Variants in RTCB observed in about 807,000 individuals in gnomAD.
The protein encoded by RTCB is RNA 2',3'-cyclic phosphate and 5'-OH ligase.
RTCB carries 32 observed loss-of-function variants against 58.2 expected under a neutral mutation model. That is an observed-to-expected ratio of 0.55 (90% CI 0.41 to 0.74). The LOEUF (loss-of-function observed/expected upper bound fraction) is 0.74, where lower values mean the gene tolerates loss of function less well. Ranked by LOEUF, RTCB falls within the 30% of genes least tolerant of loss-of-function variation. The probability of loss-of-function intolerance (pLI) is 0.00; values close to 1 mark genes in which losing one functional copy is unlikely to be tolerated. For missense variants in RTCB, 523 were observed against 639.0 expected (o/e 0.82, Z 1.96); for synonymous variants, 247 against 218.6 (o/e 1.13, Z -1.15).
In RTCB at chr22:32,399,579, T is replaced by C. The variant is rs374665426; in HGVS notation, c.654+24A>G. 309 of 1,578,034 alleles carry C rather than the reference T, an allele frequency of 2.0e-4. 2 individuals carry two copies. The Admixed American group carries it at 2.1e-3, about 11-fold the overall frequency. Reference sequence around the variant, plus strand: ...ACAAAATATGAAAAAAAAATTAACATGTTGCCCCTCCAAAGTGAGTTACCT... The same window carrying C: ...ACAAAATATGAAAAAAAAATTAACACGTTGCCCCTCCAAAGTGAGTTACCT... On this transcript the variant is annotated intron_variant, in intron 6 of 11. Coordinates refer to ENST00000216038, the MANE Select transcript of RTCB (RefSeq NM_014306.5).
chr22:32,388,112 A>T lies in RTCB; in HGVS notation c.1411-13T>A, dbSNP rs1337436618. ...AGGACTCAGGAGCCTGCAGGAGAGG[A>T]ATTTAAACATTGTACAAGTCCACTG... On this transcript the variant is annotated splice_polypyrimidine_tract_variant and intron_variant, in intron 11 of 11. Coordinates refer to ENST00000216038, the MANE Select transcript of RTCB (RefSeq NM_014306.5). The T allele has an allele frequency of 1.3e-6, 2 of 1,531,162 alleles. No homozygotes were observed. Among genetic ancestry groups the T allele is most frequent in the Admixed American group, 1.7e-5 (1 of 59,832 alleles). The allele number at this position is 1,531,162 out of a possible 1,614,324, so 94.8% of individuals were successfully genotyped here.
chr22:32,396,845 A>G (rs8141096), intron 7 of RTCB, among the ~76,000 whole-genome samples: 5,266 of 152,322 alleles, frequency 0.035, 289 homozygotes, highest in African/African-American at 0.12. Context: ...CGAAAGAATG[A>G]GGGTCGTGAA....
In RTCB at chr22:32,397,952, T is replaced by C. The variant is rs1184059010; in HGVS notation, c.803A>G (p.Gln268Arg). 6.2e-7 allele frequency: 1 copy of C among 1,611,504 alleles called. No individual in the cohort carries two copies. Among genetic ancestry groups the C allele is most frequent in the Non-Finnish European group, 8.5e-7 (1 of 1,179,432 alleles). The change falls in exon 7 of 12, where the codon CAA (glutamine) becomes CGA (arginine). Residue 268 changes from glutamine to arginine, a missense_variant. By Grantham distance (43) the Gln-to-Arg change is conservative. This residue lies in a region of RTCB where 141 missense variants were observed against 216.7 expected (regional missense o/e 0.65). Transcript: ENST00000216038. ...IHSGSRGLGH[Q>R]VATDALVAME... ...AGTCTAGAATATACCTGTGGCTACT[T>C]GGTGGCCCAAGCCTCTGCTTCCACT...
chr22:32,389,429 T>C (rs964785724), intron 11 of RTCB, among the ~76,000 whole-genome samples: 15 of 152,204 alleles, frequency 9.9e-5, no homozygotes, highest in African/African-American at 3.6e-4. Context: ...TTGAGTCCAG[T>C]GGCACAATCA....
intron 11 of RTCB, among the ~76,000 whole-genome samples, chr22:32,390,881 G>GAT (rs1442810721): frequency 6.6e-6 from 1 of 151,756 alleles, no homozygotes; most frequent in African/African-American, 2.4e-5. Context: ...TTTTTTTAGA[G>GAT]ATAGGGTCTT....
intron 11 of RTCB, among the ~76,000 whole-genome samples, chr22:32,390,762 C>A (rs1193753105): frequency 1.3e-5 from 2 of 152,104 alleles, no homozygotes; most frequent in Non-Finnish European, 1.5e-5. Flanking sequence ...TATTCCAAAT[C>A]TTTTAAATTA....
At chr22:32,406,808 C>G (rs1249169027) in intron 3 of RTCB, 47 bp from the exon 4 acceptor site, 1 of 1,303,482 alleles carries the variant, frequency 7.7e-7, no homozygotes, top group Non-Finnish European at 1.1e-6. Context: ...GACCTGCTAC[C>G]CTGGATGCCC....
intron 4 of RTCB, among the ~76,000 whole-genome samples, chr22:32,404,210 T>C (rs1601429985): frequency 1.3e-5 from 2 of 152,212 alleles, no homozygotes; most frequent in African/African-American, 4.8e-5. Flanking sequence ...GGTAGTTCTA[T>C]TTTCGATTTT....
chr22:32,390,299 C>T (rs73881675), intron 11 of RTCB, among the ~76,000 whole-genome samples: 3 of 152,086 alleles, frequency 2.0e-5, no homozygotes, highest in Admixed American at 6.5e-5. Flanking sequence ...ATGGTTAGTA[C>T]GTGTTAGCTG....
At chr22:32,404,322 G>A (rs1479771076) in intron 4 of RTCB, among the ~76,000 whole-genome samples, 1 of 152,114 alleles carries the variant, frequency 6.6e-6, no homozygotes, top group African/African-American at 2.4e-5. Context: ...TCAATTTTTA[G>A]ACACAAGTAT....
chr22:32,403,394 G>A (rs187661054), intron 4 of RTCB, among the ~76,000 whole-genome samples: 4 of 151,382 alleles, frequency 2.6e-5, no homozygotes, highest in South Asian at 4.2e-4. Context: ...GCAACAGAGC[G>A]AGACTCCGTC....
Position 32,408,817 on chromosome 22 carries a change from T to C in RTCB, c.110A>G (p.Tyr37Cys), listed in dbSNP as rs199682572. The C allele has an allele frequency of 9.7e-5, 157 of 1,613,590 alleles. 1 individual carries two copies. The highest frequency in any genetic ancestry group is 1.7e-5 in the Admixed American group (1 of 60,004). ...CAATTTCTCCAGAGCATCATTCACATAGAAAACACCTTCAACCTAGTACCA... is the reference window on the plus strand; with the variant it reads ...CAATTTCTCCAGAGCATCATTCACACAGAAAACACCTTCAACCTAGTACCA... The part of the protein sequence containing the change: ...VPNMQVEGVF[Y>C]VNDALEKLMF... The change falls in exon 2 of 12, where the codon TAT (tyrosine) becomes TGT (cysteine). Residue 37 changes from tyrosine to cysteine, a missense_variant. Physicochemically the swap from Tyr to Cys is radical, Grantham distance 194. Coordinates refer to ENST00000216038, the MANE Select transcript of RTCB (RefSeq NM_014306.5).
In RTCB at chr22:32,388,111, G is replaced by A. The variant is rs374234265; in HGVS notation, c.1411-12C>T. 1.0e-5 allele frequency: 16 copies of A among 1,537,004 alleles called. 1 individual carries two copies. In the African/African-American group the frequency reaches 2.2e-4, roughly 21 times the overall value. On this transcript the variant is annotated splice_polypyrimidine_tract_variant and intron_variant, in intron 11 of 11. Transcript: ENST00000216038. Reference sequence around the variant, plus strand: ...TAGGACTCAGGAGCCTGCAGGAGAGGAATTTAAACATTGTACAAGTCCACT... The same window carrying A: ...TAGGACTCAGGAGCCTGCAGGAGAGAAATTTAAACATTGTACAAGTCCACT...
intron 1 of RTCB, among the ~76,000 whole-genome samples, chr22:32,409,187 G>T: frequency 8.8e-6 from 1 of 113,368 alleles, no homozygotes. Flanking sequence ...AAATATCAAT[G>T]GTTTTTTGAA....
chr22:32,403,909 C>T (rs548029498), intron 4 of RTCB, among the ~76,000 whole-genome samples: 1 of 152,314 alleles, frequency 6.6e-6, no homozygotes, highest in East Asian at 1.9e-4. Context: ...TTTTAGATTG[C>T]ACATATGGGC....
At chr22:32,411,530 A>G (rs1397134984) in intron 1 of RTCB, among the ~76,000 whole-genome samples, 6 of 152,178 alleles carry the variant, frequency 3.9e-5, no homozygotes, top group Non-Finnish European at 8.8e-5. Context: ...GAATATTAAA[A>G]TCAAACAGGC....
At chr22:32,408,634 C>T in intron 2 of RTCB, 121 bp downstream of exon 2, 1 of 749,776 alleles carries the variant, frequency 1.3e-6, no homozygotes, top group Non-Finnish European at 2.3e-6. Flanking sequence ...TTTGGTCTTA[C>T]TTTTAAGTTG....
chr22:32,388,294 CTTTT>C (rs774684219), intron 11 of RTCB, among the ~76,000 whole-genome samples, 195 bp from the exon 12 acceptor site: 2 of 146,222 alleles, frequency 1.4e-5, no homozygotes, highest in African/African-American at 2.5e-5. Flanking sequence ...ACACTTTCAC[CTTTT>C]TTTTTTTCTG....
At position 32,396,056 on chromosome 22, in the gene RTCB, G is replaced by A. The variant is rs781326843; in HGVS notation, c.990+18C>T. The A allele has an allele frequency of 6.2e-7, 1 of 1,612,608 alleles. No homozygotes were observed. Among genetic ancestry groups the A allele is most frequent in the Non-Finnish European group, 8.5e-7 (1 of 1,179,038 alleles). On this transcript the variant is annotated intron_variant, in intron 8 of 11. Transcript: ENST00000216038. The stretch of plus-strand genomic sequence containing the variant: ...TCATCATGAATGACTCGGAACAGAA[G>A]AGCAACTTCTACTGTACCTGACGGG...
Sources: gnomAD v4.1 joint callset for allele counts (sites outside exome capture counted in the v4.1 genomes callset) on GRCh38, gnomAD v4.1.1 for gene constraint, gnomAD v4.1.1 regional missense constraint, MANE v1.5 for transcripts, NCBI Gene and HGNC (gene_info 2026-07-23, HGNC 2026-07-21) for gene names.